ZNF607: variants seen among roughly 807,000 people sequenced by gnomAD.
The protein encoded by ZNF607 is zinc finger protein 607.
A neutral mutation model predicts 12.8 loss-of-function variants in ZNF607; 5 were observed. The ratio of observed to expected loss-of-function variants is 0.39; its 90% CI spans 0.20 to 0.82. ZNF607 has a LOEUF of 0.82. Among genes scored for constraint, ZNF607 ranks in the 40% least tolerant of loss-of-function variants. ZNF607 has a pLI of 0.39. For synonymous variants in ZNF607, 287 were observed against 276.2 expected (o/e 1.04, Z -0.39); for missense variants, 851 against 859.2 (o/e 0.99, Z 0.12).
In ZNF607 at chr19:37,699,638, C is replaced by T. The variant is rs1359190790; in HGVS notation, c.493G>A (p.Ala165Thr). The part of the protein sequence containing the change: ...TDLRKHQKIN[A>T]REKPYECEEC... ...TCACATTCATAAGGTTTCTCACGAG[C>T]ATTAATTTTCTGATGCTTTCTAAGG... Residue 165 changes from alanine (A) to threonine (T), a missense_variant, in exon 5 of 5, where the codon GCT (alanine) becomes ACT (threonine). Ala to Thr is a moderately conservative substitution (Grantham distance 58, BLOSUM62 0). Transcript: ENST00000355202. 6.2e-7 allele frequency: 1 copy of T among 1,614,098 alleles called. No individual in the cohort carries two copies. Among genetic ancestry groups the T allele is most frequent in the Admixed American group, 1.7e-5 (1 of 60,022 alleles).
At chr19:37,711,838 C>G in intron 1 of ZNF607, 146 bp from the exon 2 acceptor site, 1 of 536,450 alleles carries the variant, frequency 1.9e-6, no homozygotes, top group Non-Finnish European at 3.3e-6. Flanking sequence ...TCTGGATAAA[C>G]CCATTTCCTC....
chr19:37,717,845 T>A (rs1169595256), intron 1 of ZNF607, among the ~76,000 whole-genome samples: 1 of 150,126 alleles, frequency 6.7e-6, no homozygotes, highest in Non-Finnish European at 1.5e-5. Flanking sequence ...GAAAAAGAGT[T>A]GCATATATAG....
At chr19:37,716,652 C>T (rs886311208) in intron 1 of ZNF607, among the ~76,000 whole-genome samples, 13 of 152,302 alleles carry the variant, frequency 8.5e-5, no homozygotes, top group African/African-American at 3.1e-4. Flanking sequence ...AACATATACA[C>T]CCAAATTTGT....
intron 1 of ZNF607, among the ~76,000 whole-genome samples, chr19:37,717,222 G>A (rs1599671230): frequency 6.6e-6 from 1 of 152,128 alleles, no homozygotes; most frequent in South Asian, 2.1e-4. Context: ...GTCTCGCGCT[G>A]TCGCCCAGGC....
intron 2 of ZNF607, 44 bp downstream of exon 2, chr19:37,711,563 TAAA>T: frequency 6.2e-7 from 1 of 1,609,026 alleles, no homozygotes; most frequent in Non-Finnish European, 8.5e-7. Flanking sequence ...ATACATGACC[TAAA>T]AAATCACACA....
At chr19:37,714,516 A>T (rs910315455) in intron 1 of ZNF607, among the ~76,000 whole-genome samples, 2 of 150,562 alleles carry the variant, frequency 1.3e-5, no homozygotes, top group Non-Finnish European at 3.0e-5. Flanking sequence ...GTGAGCCAAG[A>T]TCATGCCACT....
intron 1 of ZNF607, among the ~76,000 whole-genome samples, chr19:37,717,912 G>C (rs965130773): frequency 6.6e-6 from 1 of 151,564 alleles, no homozygotes; most frequent in African/African-American, 2.4e-5. Flanking sequence ...TTAGATCACA[G>C]CTATTTATCC....
rs961132294 is a variant in ZNF607, at chr19:37,711,709, C to A, written c.-74-17G>T. The A allele has an allele frequency of 1.1e-5, 15 of 1,326,496 alleles. No individual in the cohort carries two copies. In the African/African-American group the frequency reaches 1.2e-4, roughly 10 times the overall value. The allele number at this position is 1,326,496 out of a possible 1,614,324, so 82.2% of individuals were successfully genotyped here. A position where few individuals can be genotyped will look rare whatever the true frequency, so the allele number is the denominator to read the frequency against. On this transcript the variant is annotated splice_polypyrimidine_tract_variant and intron_variant, in intron 1 of 4. Coordinates refer to ENST00000355202, the MANE Select transcript of ZNF607 (RefSeq NM_032689.5). Reference sequence around the variant, plus strand: ...AACCAAGACCTGAAAGAAGAGAAGACCTTGAGACCAGCTGTGCTTTAGTGG... The same window carrying A: ...AACCAAGACCTGAAAGAAGAGAAGAACTTGAGACCAGCTGTGCTTTAGTGG...
rs928966441 is a variant in ZNF607, at chr19:37,696,851, G to A, written c.*1189C>T. 59 of 813,598 alleles carry A rather than the reference G, an allele frequency of 7.3e-5. No homozygotes were observed. The African/African-American group carries it at 9.1e-4, about 12-fold the overall frequency. The allele number at this position is 813,598 out of a possible 1,614,324, so 50.4% of individuals were successfully genotyped here. Reference sequence around the variant, plus strand: ...AATCTGGCGCTCTCTGCTTCCTGGGGGGCCACCTGTCTGTTAACTCCTTCA... The same window carrying A: ...AATCTGGCGCTCTCTGCTTCCTGGGAGGCCACCTGTCTGTTAACTCCTTCA... On this transcript the variant is annotated 3_prime_UTR_variant, in exon 5 of 5. Transcript: ENST00000355202.
At position 37,698,789 on chromosome 19, in the gene ZNF607, G is replaced by A. The variant is rs1568402541; in HGVS notation, c.1342C>T (p.Pro448Ser). ...TTCCCACATTCTTTACATTCAAAGG[G>A]TTTGTAACCAGTATGAATTCTGTTA... ...HHNRIHTGYK[P>S]FECKECGKSF... The change falls in exon 5 of 5, where the codon CCC becomes TCC. Residue 448 changes from proline (P) to serine (S), a missense_variant. By Grantham distance (74) the Pro-to-Ser change is moderately conservative. Transcript: ENST00000355202. 1.2e-6 allele frequency: 2 copies of A among 1,613,722 alleles called. No homozygotes were observed. Among genetic ancestry groups the A allele is most frequent in the South Asian group, 2.2e-5 (2 of 91,068 alleles).
Position 37,697,308 on chromosome 19 carries a change from G to A in ZNF607, c.*732C>T. The A allele has an allele frequency of 9.8e-7, 1 of 1,023,342 alleles. No individual in the cohort carries two copies. The highest frequency in any genetic ancestry group is 1.5e-6 in the Non-Finnish European group (1 of 650,432). 63.4% of individuals were successfully genotyped at this position (1,023,342 alleles called of 1,614,324 possible). On this transcript the variant is annotated 3_prime_UTR_variant, in exon 5 of 5. Transcript: ENST00000355202. ...GTCAAAGATGGCAGCTCTGTGCCCA[G>A]CATCCACATTACATAAGGCAGAGTT... is the stretch of plus-strand genomic sequence containing the variant.
At position 37,699,117 on chromosome 19, in the gene ZNF607, T is replaced by TTCATAG. The variant is rs1317457077; in HGVS notation, c.1008_1013dup (p.Tyr337_Glu338insAspTyr). The TTCATAG allele has an allele frequency of 1.9e-6, 3 of 1,614,062 alleles. No individual in the cohort carries two copies. In the Admixed American group the frequency reaches 5.0e-5, roughly 27 times the overall value. On this transcript the variant is annotated inframe_insertion, in exon 5 of 5. Transcript: ENST00000355202. Reference sequence around the variant, plus strand: ...TAAAAGCCTCCCCATTTTCTTTACATTCATAGTGTTTCTCCCCTGAATAAA... The same window carrying TTCATAG: ...TAAAAGCCTCCCCATTTTCTTTACATTCATAGTCATAGTGTTTCTCCCCTGAATAAA...
chr19:37,714,364 G>GCAA (rs796405922), intron 1 of ZNF607, among the ~76,000 whole-genome samples: 27 of 149,136 alleles, frequency 1.8e-4, no homozygotes, highest in Admixed American at 1.8e-3. Context: ...AGCAGCAGCA[G>GCAA]CAACAACAAA....
chr19:37,713,871 A>G (rs2045152146), intron 1 of ZNF607, among the ~76,000 whole-genome samples: 1 of 152,202 alleles, frequency 6.6e-6, no homozygotes, highest in African/African-American at 2.4e-5. Flanking sequence ...GAAATTAAAA[A>G]CACAAATATT....
intron 4 of ZNF607, among the ~76,000 whole-genome samples, chr19:37,702,580 GA>G (rs1318241636): frequency 6.6e-6 from 1 of 152,096 alleles, no homozygotes; most frequent in Non-Finnish European, 1.5e-5. Context: ...TAGGCCCAAA[GA>G]AAATACTATC....
chr19:37,705,274 CAACTT>C (rs2045071812), intron 4 of ZNF607, among the ~76,000 whole-genome samples: 2 of 152,256 alleles, frequency 1.3e-5, no homozygotes, highest in South Asian at 2.1e-4. Flanking sequence ...ATCAATTTGA[CAACTT>C]AGATGAAATG....
chr19:37,709,272 A>G (rs1309958043), intron 3 of ZNF607, among the ~76,000 whole-genome samples: 1 of 152,238 alleles, frequency 6.6e-6, no homozygotes, highest in Non-Finnish European at 1.5e-5. Flanking sequence ...TCTTTCAATA[A>G]TAACGGCAAT....
intron 2 of ZNF607, among the ~76,000 whole-genome samples, chr19:37,710,671 CT>C (rs1446255806): frequency 2.0e-5 from 3 of 152,136 alleles, no homozygotes; most frequent in African/African-American, 7.2e-5. Context: ...TCTTAGGTAT[CT>C]GACCTTTTTG....
chr19:37,703,235 T>G (rs941914286), intron 4 of ZNF607, among the ~76,000 whole-genome samples: 3 of 145,804 alleles, frequency 2.1e-5, no homozygotes, highest in African/African-American at 7.6e-5. Context: ...AGGCGTGAGC[T>G]ACCACACCCC....
Sources: gnomAD v4.1 joint callset for allele counts (sites outside exome capture counted in the v4.1 genomes callset) on GRCh38, gnomAD v4.1.1 for gene constraint, MANE v1.5 for transcripts, NCBI Gene and HGNC (gene_info 2026-07-23, HGNC 2026-07-21) for gene names.